The following GALT variants were observed in gnomAD, a reference collection of about 807,000 sequenced individuals.
The protein encoded by GALT is UDP-glucose--hexose-1-phosphate uridylyltransferase.
In GALT, 42 loss-of-function variants were observed where a neutral mutation model predicts 55.4. That is an observed-to-expected ratio of 0.76 (90% confidence interval 0.59 to 0.98). GALT has a LOEUF of 0.98. GALT is among the 50% of genes least tolerant of loss of function. The pLI is 0.00. For missense variants in GALT, 407 were observed against 495.7 expected, an observed-to-expected ratio of 0.82 and a Z score of 1.70; for synonymous variants, 154 against 181.5, an observed-to-expected ratio of 0.85 and a Z score of 1.22.
chr9:34,647,803 C>G lies in GALT; in HGVS notation c.378-29C>G. On this transcript the variant is annotated intron_variant, in intron 4 of 10. Coordinates refer to ENST00000378842, the MANE Select transcript of GALT (RefSeq NM_000155.4). The surrounding 1 kb of genome is among the most constrained non-coding windows in gnomAD (Gnocchi z 5.6). ...CGTAGCACAGCCAAGCCCTACCTCT[C>G]GGTTATCTTTTCTCCCGTCACCACC... is the stretch of plus-strand genomic sequence containing the variant. The G allele has an allele frequency of 1.2e-6, 2 of 1,614,194 alleles. No homozygotes were observed. Among genetic ancestry groups the G allele is most frequent in the Non-Finnish European group, 1.7e-6 (2 of 1,180,044 alleles).
chr9:34,648,235 G>C lies in GALT; in HGVS notation c.564+64G>C. The C allele has an allele frequency of 6.8e-6, 11 of 1,613,836 alleles. No homozygotes were observed. The South Asian group carries it at 1.1e-4, about 16-fold the overall frequency. ...GTCTGAGCCAGCACTGTGGACATGG[G>C]AACAGGATTAATGGATGGGACAGAG... On this transcript the variant is annotated intron_variant, in intron 6 of 10. Transcript: ENST00000378842. This position sits in a 1 kb window ranked among gnomAD's most constrained non-coding sequence, Gnocchi z 4.9.
rs1821170485 is a variant in GALT, at chr9:34,648,565, C to T, written c.687+109C>T. 18 of 1,564,100 alleles carry T rather than the reference C, an allele frequency of 1.2e-5. No homozygotes were observed. Among genetic ancestry groups the T allele is most frequent in the Non-Finnish European group, 1.5e-5 (17 of 1,137,688 alleles). ...AGGTGAACTAGTAGAGAGAGACTTG[C>T]TAGGAGGCCTTAGCAATAATCCAGT... is the stretch of plus-strand genomic sequence containing the variant. On this transcript the variant is annotated intron_variant, in intron 7 of 10. Coordinates refer to ENST00000378842, the MANE Select transcript of GALT (RefSeq NM_000155.4). This position sits in a 1 kb window ranked among gnomAD's most constrained non-coding sequence, Gnocchi z 4.9.
In GALT at chr9:34,650,607, G is replaced by A. The variant is rs1490252733; in HGVS notation, c.*158G>A. ...TATCACATACTCTAATATCAGAGGAGTGTGAACCTTCAGAGATCTAGGGTT... is the reference window on the plus strand; with the variant it reads ...TATCACATACTCTAATATCAGAGGAATGTGAACCTTCAGAGATCTAGGGTT... On this transcript the variant is annotated 3_prime_UTR_variant, in exon 11 of 11. Transcript: ENST00000378842. 1.6e-6 allele frequency: 1 copy of A among 644,624 alleles called. No homozygotes were observed. Among genetic ancestry groups the A allele is most frequent in the African/African-American group, 1.8e-5 (1 of 55,034 alleles). The allele number at this position is 644,624 out of a possible 1,614,324, so 39.9% of individuals were successfully genotyped here.
At position 34,648,726 on chromosome 9, in the gene GALT, C is replaced by T. The variant is rs1187268536; in HGVS notation, c.688-36C>T. The T allele has an allele frequency of 2.5e-6, 4 of 1,611,444 alleles. No individual in the cohort carries two copies. Among genetic ancestry groups the T allele is most frequent in the Non-Finnish European group, 1.7e-6 (2 of 1,179,888 alleles). On this transcript the variant is annotated intron_variant, in intron 7 of 10. Transcript: ENST00000378842. The surrounding 1 kb of genome is among the most constrained non-coding windows in gnomAD (Gnocchi z 4.9). ...GCTGACCACACTCCGGCTCCTATGT[C>T]ACCTTGATGACTTCCTATCCATTCT...
In GALT at chr9:34,647,302, G is replaced by T; in HGVS notation, c.252+44G>T. ...GCATCTGCAGGCTGGGCCACGGGGA[G>T]TAGTTCCCTCTTAGAACTGTCCTCC... is the stretch of plus-strand genomic sequence containing the variant. On this transcript the variant is annotated intron_variant, in intron 2 of 10. Coordinates refer to ENST00000378842, the MANE Select transcript of GALT (RefSeq NM_000155.4). The surrounding 1 kb of genome is among the most constrained non-coding windows in gnomAD (Gnocchi z 5.6). The T allele has an allele frequency of 6.2e-7, 1 of 1,612,622 alleles. No individual in the cohort carries two copies.
At position 34,650,849 on chromosome 9, in the gene GALT, C is replaced by G. The variant is rs1821237305; in HGVS notation, c.*400C>G. 1 of 213,488 alleles carries G rather than the reference C, an allele frequency of 4.7e-6. No individual in the cohort carries two copies. Among genetic ancestry groups the G allele is most frequent in the African/African-American group, 2.4e-5 (1 of 42,410 alleles). The allele number at this position is 213,488 out of a possible 1,614,324, so 13.2% of individuals were successfully genotyped here. A position where few individuals can be genotyped will look rare whatever the true frequency, so the allele number is the denominator to read the frequency against. ...GGTTGTGGCTGAGGCTTTGGGAAGGCCAGAGCCCCCTTTGCCACCACCCCT... is the reference window on the plus strand; with the variant it reads ...GGTTGTGGCTGAGGCTTTGGGAAGGGCAGAGCCCCCTTTGCCACCACCCCT... On this transcript the variant is annotated 3_prime_UTR_variant, in exon 11 of 11. Transcript: ENST00000378842.
Position 34,650,645 on chromosome 9 carries a change from C to A in GALT, c.*196C>A. The A allele has an allele frequency of 1.7e-6, 1 of 589,216 alleles. No homozygotes were observed. The highest frequency in any genetic ancestry group is 2.8e-5 in the East Asian group (1 of 35,430). The allele number at this position is 589,216 out of a possible 1,614,324, so 36.5% of individuals were successfully genotyped here. A position where few individuals can be genotyped will look rare whatever the true frequency, so the allele number is the denominator to read the frequency against. ...GAGATCTAGGGTTAAAAGCTAAAGGCATAGCTCCAGCTACAACTTTTCTTT... is the reference window on the plus strand; with the variant it reads ...GAGATCTAGGGTTAAAAGCTAAAGGAATAGCTCCAGCTACAACTTTTCTTT... On this transcript the variant is annotated 3_prime_UTR_variant, in exon 11 of 11. Coordinates refer to ENST00000378842, the MANE Select transcript of GALT (RefSeq NM_000155.4).
intron 10 of GALT, chr9:34,650,151 C>A: frequency 1.8e-6 from 1 of 569,124 alleles, no homozygotes; most frequent in Non-Finnish European, 3.1e-6. Context: ...GGTATGGTGG[C>A]ATATACTTGT....
Position 34,648,473 on chromosome 9 carries a change from C to G in GALT, c.687+17C>G. ...CTCAGGAAGGTGGGAGAGAGCCAAG[C>G]CCTGTGTCCCCAAGGAGTCCCTAAC... On this transcript the variant is annotated intron_variant, in intron 7 of 10. Coordinates refer to ENST00000378842, the MANE Select transcript of GALT (RefSeq NM_000155.4). This position sits in a 1 kb window ranked among gnomAD's most constrained non-coding sequence, Gnocchi z 4.9. 6.2e-7 allele frequency: 1 copy of G among 1,614,088 alleles called. No homozygotes were observed. Among genetic ancestry groups the G allele is most frequent in the Non-Finnish European group, 8.5e-7 (1 of 1,180,014 alleles).
rs1423377433 is a variant in GALT, at chr9:34,650,726, AT to A, written c.*279del. On this transcript the variant is annotated 3_prime_UTR_variant, in exon 11 of 11. Coordinates refer to ENST00000378842, the MANE Select transcript of GALT (RefSeq NM_000155.4). ...AATCTACCCCAAATTTCTGAACAAA[AT>A]TAATATTCAGTATTATATCTAGCCT... is the stretch of plus-strand genomic sequence containing the variant. 4.2e-6 allele frequency: 2 copies of A among 471,088 alleles called. No individual in the cohort carries two copies. The highest frequency in any genetic ancestry group is 3.9e-5 in the African/African-American group (2 of 51,242). The allele number at this position is 471,088 out of a possible 1,614,324, so 29.2% of individuals were successfully genotyped here.
Position 34,646,898 on chromosome 9 carries a change from A to G in GALT, c.82+112A>G, listed in dbSNP as rs1043627943. Reference sequence around the variant, plus strand: ...AACGCTCATCCCGAGCCAGACCGACAAGGCGTACAGTCTGCAGGCCTGTAC... The same window carrying G: ...AACGCTCATCCCGAGCCAGACCGACGAGGCGTACAGTCTGCAGGCCTGTAC... On this transcript the variant is annotated intron_variant, in intron 1 of 10. Coordinates refer to ENST00000378842, the MANE Select transcript of GALT (RefSeq NM_000155.4). 5.6e-6 allele frequency: 9 copies of G among 1,608,168 alleles called. No individual in the cohort carries two copies. The African/African-American group carries it at 1.2e-4, about 22-fold the overall frequency.
Position 34,648,785 on chromosome 9 carries a change from G to C in GALT, c.711G>C (p.Glu237Asp). Reference sequence around the variant, plus strand: ...AGGAACGTCTGGTCCTAACCAGTGAGCACTGGTTAGTACTGGTCCCCTTCT... The same window carrying C: ...AGGAACGTCTGGTCCTAACCAGTGACCACTGGTTAGTACTGGTCCCCTTCT... ...LRKERLVLTS[E>D]HWLVLVPFWA... The change falls in exon 8 of 11, where the codon GAG becomes GAC. Residue 237 changes from glutamate (E) to aspartate (D), a missense_variant. Transcript: ENST00000378842. This position sits in a 1 kb window ranked among gnomAD's most constrained non-coding sequence, Gnocchi z 4.9. 1 of 1,613,012 alleles carries C rather than the reference G, an allele frequency of 6.2e-7. No homozygotes were observed. Among genetic ancestry groups the C allele is most frequent in the East Asian group, 2.2e-5 (1 of 44,884 alleles).
Position 34,649,570 on chromosome 9 carries a change from G to A in GALT, c.1059+6G>A. On this transcript the variant is annotated splice_donor_region_variant and intron_variant, in intron 10 of 10. Coordinates refer to ENST00000378842, the MANE Select transcript of GALT (RefSeq NM_000155.4). Reference sequence around the variant, plus strand: ...GGGACCTCACCCCTGAGCAGGTCAGGACTCAGAACAGTCTGGCGTCTCCAG... The same window carrying A: ...GGGACCTCACCCCTGAGCAGGTCAGAACTCAGAACAGTCTGGCGTCTCCAG... 1 of 1,614,152 alleles carries A rather than the reference G, an allele frequency of 6.2e-7. No individual in the cohort carries two copies. Among genetic ancestry groups the A allele is most frequent in the African/African-American group, 1.3e-5 (1 of 75,040 alleles).
At chr9:34,649,683 G>A in intron 10 of GALT, 119 bp downstream of exon 10, 1 of 1,248,716 alleles carries the variant, frequency 8.0e-7, no homozygotes, top group Non-Finnish European at 1.1e-6. Context: ...AGCTCTGGCA[G>A]GAAGGGACTG....
chr9:34,648,474 CCT>C lies in GALT; in HGVS notation c.687+19_687+20del. ...TCAGGAAGGTGGGAGAGAGCCAAGC[CCT>C]GTGTCCCCAAGGAGTCCCTAACTTT... is the stretch of plus-strand genomic sequence containing the variant. On this transcript the variant is annotated intron_variant, in intron 7 of 10. Coordinates refer to ENST00000378842, the MANE Select transcript of GALT (RefSeq NM_000155.4). The surrounding 1 kb of genome is among the most constrained non-coding windows in gnomAD (Gnocchi z 4.9). 2 of 1,614,072 alleles carry C rather than the reference CCT, an allele frequency of 1.2e-6. No individual in the cohort carries two copies. Among genetic ancestry groups the C allele is most frequent in the East Asian group, 2.2e-5 (1 of 44,878 alleles).
intron 10 of GALT, chr9:34,649,921 CATTCATATTTCAT>C (rs1821212155): frequency 3.6e-6 from 1 of 278,070 alleles, no homozygotes; most frequent in Non-Finnish European, 6.8e-6. Flanking sequence ...GGGCCTGTGG[CATTCATATTTCAT>C]ATTCATATTT....
intron 9 of GALT, 77 bp downstream of exon 9, chr9:34,649,158 C>A (rs1587240317): frequency 6.9e-7 from 1 of 1,438,860 alleles, no homozygotes. Context: ...TGAACTGCAA[C>A]CTCAAAGGAG....
chr9:34,650,860 T>A lies in GALT; in HGVS notation c.*411T>A. 4.7e-6 allele frequency: 1 copy of A among 210,714 alleles called. No homozygotes were observed. The highest frequency in any genetic ancestry group is 9.7e-6 in the Non-Finnish European group (1 of 103,524). 13.1% of individuals were successfully genotyped at this position (210,714 alleles called of 1,614,324 possible). ...AGGCTTTGGGAAGGCCAGAGCCCCCTTTGCCACCACCCCTAGGGTGTCAGC... is the reference window on the plus strand; with the variant it reads ...AGGCTTTGGGAAGGCCAGAGCCCCCATTGCCACCACCCCTAGGGTGTCAGC... On this transcript the variant is annotated 3_prime_UTR_variant, in exon 11 of 11. Transcript: ENST00000378842.
At chr9:34,650,091 G>A (rs1564102521) in intron 10 of GALT, 1 of 429,946 alleles carries the variant, frequency 2.3e-6, no homozygotes, top group African/African-American at 2.0e-5. Flanking sequence ...ACTAGCCTGG[G>A]AAACATAGGA....
Sources: gnomAD v4.1 joint callset for allele counts on GRCh38, gnomAD v4.1.1 for gene constraint, Gnocchi (gnomAD v3.1) non-coding constraint, MANE v1.5 for transcripts, NCBI Gene and HGNC (gene_info 2026-07-23, HGNC 2026-07-21) for gene names.